KIFAP3: variants seen among roughly 807,000 people sequenced by gnomAD.
KIFAP3 encodes kinesin-associated protein 3.
A neutral mutation model predicts 106.5 loss-of-function variants in KIFAP3; 68 were observed. The observed-to-expected ratio is 0.64, with a 90% CI of 0.53 to 0.78. The LOEUF is 0.78. Ranked by LOEUF, KIFAP3 falls within the 30% of genes least tolerant of loss-of-function variation. The probability of loss-of-function intolerance (pLI) is 0.00; values close to 1 mark genes in which losing one functional copy is unlikely to be tolerated. For synonymous variants in KIFAP3, 320 were observed against 311.5 expected (o/e 1.03, Z -0.29); for missense variants, 780 against 941.8 (o/e 0.83, Z 2.25).
chr1:169,978,270 A>G, intron 15 of KIFAP3, 87 bp from the exon 16 acceptor site: 1 of 847,452 alleles, frequency 1.2e-6, no homozygotes, highest in Non-Finnish European at 1.9e-6. Flanking sequence ...TAGAACGAGA[A>G]AAACTAAAAG....
rs1669584618 is a variant in KIFAP3 at position 170,034,647 on chromosome 1, G to A, written c.618-151C>T. Reference sequence around the variant, plus strand: ...GAATATATCCACAATACACTAGGAAGACTTGCGATTATAAAATTACTTTAA... The same window carrying A: ...GAATATATCCACAATACACTAGGAAAACTTGCGATTATAAAATTACTTTAA... On this transcript the variant is annotated intron_variant, in intron 6 of 19. Transcript: ENST00000361580. 7.6e-6 allele frequency: 3 copies of A among 395,178 alleles called. No homozygotes were observed. The East Asian group carries it at 1.3e-4, about 18-fold the overall frequency. 24.5% of individuals were successfully genotyped at this position (395,178 alleles called of 1,614,324 possible).
In KIFAP3 at chr1:169,982,867, C is replaced by A. The variant is rs1408591396; in HGVS notation, c.1507G>T (p.Asp503Tyr). 1 of 1,414,924 alleles carries A rather than the reference C, an allele frequency of 7.1e-7. No individual in the cohort carries two copies. Among genetic ancestry groups the A allele is most frequent in the South Asian group, 1.7e-5 (1 of 57,832 alleles). The allele number at this position is 1,414,924 out of a possible 1,614,324, so 87.6% of individuals were successfully genotyped here. The part of the protein sequence containing the change: ...HDGPTKNLFI[D>Y]YVGDLAAQIS... ...TGGGCTGCAAGGTCCCCAACATAAT[C>A]CTGAATAAAACATAATTTTAATATA... is the stretch of plus-strand genomic sequence containing the variant. Residue 503 changes from aspartate (D) to tyrosine (Y), a missense_variant and splice_region_variant, in exon 14 of 20, where the codon GAT becomes TAT. This residue lies in a region of KIFAP3 where 588 missense variants were observed against 678.9 expected (regional missense o/e 0.87). Coordinates refer to ENST00000361580, the MANE Select transcript of KIFAP3 (RefSeq NM_014970.4).
In KIFAP3 at chr1:169,964,024, A is replaced by C. The variant is rs570875538; in HGVS notation, c.1984-2789T>G. ...TTACGTCAGTTAAATCTGATACTAA[A>C]CTATACTTGAAATAGACTATTCAGA... On this transcript the variant is annotated intron_variant, in intron 17 of 19. Transcript: ENST00000361580. Among the ~76,000 whole-genome samples, 3 of 152,276 alleles carry C rather than the reference A, an allele frequency of 2.0e-5. No individual in the cohort carries two copies. The South Asian group carries it at 6.2e-4, about 32-fold the overall frequency.
intron 17 of KIFAP3, 152 bp from the exon 18 acceptor site, chr1:169,961,387 C>A: frequency 1.8e-6 from 1 of 555,470 alleles, no homozygotes; most frequent in Non-Finnish European, 3.2e-6. Context: ...TATATAATAG[C>A]CAACAAAAAG....
chr1:169,954,252 T>C (rs750122408), intron 18 of KIFAP3, 142 bp from the exon 19 acceptor site: 14 of 608,270 alleles, frequency 2.3e-5, no homozygotes, highest in African/African-American at 3.7e-5. Flanking sequence ...TCTGGGAGTA[T>C]GAACAGACAA....
At chr1:170,000,537 G>T (rs928312931) in intron 10 of KIFAP3, among the ~76,000 whole-genome samples, 1 of 152,100 alleles carries the variant, frequency 6.6e-6, no homozygotes, top group South Asian at 2.1e-4. Context: ...CCACTTAAAA[G>T]ATAATTGCAA....
intron 1 of KIFAP3, among the ~76,000 whole-genome samples, chr1:170,084,446 A>G (rs1672071163): frequency 6.6e-6 from 1 of 152,246 alleles, no homozygotes; most frequent in South Asian, 2.1e-4. Flanking sequence ...CAAGGAGCAC[A>G]TGAACTAGTC....
upstream of KIFAP3, among the ~76,000 whole-genome samples, chr1:170,077,945 C>T (rs78794083): frequency 0.063 from 9,602 of 151,764 alleles, 387 homozygotes; most frequent in Non-Finnish European, 0.095. Context: ...TTTATTCATT[C>T]ACCAGTTGAA....
At chr1:170,017,024 C>T (rs113524081) in intron 9 of KIFAP3, among the ~76,000 whole-genome samples, 31 of 152,150 alleles carry the variant, frequency 2.0e-4, no homozygotes, top group African/African-American at 4.1e-4. Flanking sequence ...TTTGGGAGGC[C>T]GAGGCGGGCA....
upstream of KIFAP3, among the ~76,000 whole-genome samples, chr1:170,077,679 C>A (rs1376333457): frequency 6.6e-6 from 1 of 152,198 alleles, no homozygotes; most frequent in Non-Finnish European, 1.5e-5. Flanking sequence ...GTTCTGTCAT[C>A]CTCTAAAATT....
intron 1 of KIFAP3, among the ~76,000 whole-genome samples, chr1:170,063,950 C>A (rs1437642335): frequency 6.6e-6 from 1 of 152,112 alleles, no homozygotes; most frequent in Non-Finnish European, 1.5e-5. Flanking sequence ...ATATAAATTT[C>A]TTTAGAAAGG....
chr1:169,968,092 T>C (rs1055232985), intron 17 of KIFAP3, among the ~76,000 whole-genome samples: 20 of 151,890 alleles, frequency 1.3e-4, no homozygotes, highest in African/African-American at 4.6e-4. Context: ...CTTGAGTCTA[T>C]TGTGTATTTA....
chr1:170,009,991 G>C (rs1240729045), intron 10 of KIFAP3, among the ~76,000 whole-genome samples: 1 of 152,050 alleles, frequency 6.6e-6, no homozygotes, highest in Non-Finnish European at 1.5e-5. Context: ...AATCACATTT[G>C]CTGAAGCCAA....
chr1:170,007,648 C>G (rs6678382), intron 10 of KIFAP3, among the ~76,000 whole-genome samples: 7 of 151,860 alleles, frequency 4.6e-5, no homozygotes, highest in Non-Finnish European at 7.4e-5. Flanking sequence ...AAACATTCCA[C>G]GCTCATGGAT....
At chr1:169,988,525 T>C (rs1466837196) in intron 11 of KIFAP3, among the ~76,000 whole-genome samples, 1 of 151,980 alleles carries the variant, frequency 6.6e-6, no homozygotes, top group African/African-American at 2.4e-5. Context: ...CTCTAAGATA[T>C]TCCAACCGGG....
chr1:170,063,803 A>C (rs1214030051), intron 1 of KIFAP3, among the ~76,000 whole-genome samples: 3 of 152,202 alleles, frequency 2.0e-5, no homozygotes, highest in Admixed American at 6.5e-5. Context: ...TGTCCACTTA[A>C]AAATTTAAAA....
At chr1:169,941,851 A>G (rs1664137334) in intron 19 of KIFAP3, among the ~76,000 whole-genome samples, 1 of 152,200 alleles carries the variant, frequency 6.6e-6, no homozygotes. Flanking sequence ...GAGAGGTTTC[A>G]TTGTAACAAA....
At chr1:170,039,076 A>G (rs1453019748) in intron 4 of KIFAP3, among the ~76,000 whole-genome samples, 157 bp downstream of exon 4, 1 of 152,222 alleles carries the variant, frequency 6.6e-6, no homozygotes, top group Non-Finnish European at 1.5e-5. Context: ...TCTCTTTTTC[A>G]ATTAAATAAT....
At chr1:170,062,215 CAA>C (rs112112967) in intron 1 of KIFAP3, among the ~76,000 whole-genome samples, 10 of 85,208 alleles carry the variant, frequency 1.2e-4, no homozygotes, top group East Asian at 2.9e-4. Flanking sequence ...GAGATACCAT[CAA>C]AAAAAAAAAA....
Sources: gnomAD v4.1 joint callset for allele counts (sites outside exome capture counted in the v4.1 genomes callset) on GRCh38, gnomAD v4.1.1 for gene constraint, gnomAD v4.1.1 regional missense constraint, MANE v1.5 for transcripts, NCBI Gene and HGNC (gene_info 2026-07-23, HGNC 2026-07-21) for gene names.